CACNA1E: variants seen among roughly 807,000 people sequenced by gnomAD.
CACNA1E encodes voltage-dependent R-type calcium channel subunit alpha-1E.
CACNA1E carries 40 observed loss-of-function variants against 259.2 expected under a neutral mutation model. That is an observed-to-expected ratio of 0.15 (90% CI 0.12 to 0.20). The LOEUF (loss-of-function observed/expected upper bound fraction) is 0.20, where lower values mean the gene tolerates loss of function less well. CACNA1E is among the 10% of genes least tolerant of loss of function. The probability of loss-of-function intolerance (pLI) is 1.00; values close to 1 mark genes in which losing one functional copy is unlikely to be tolerated. For synonymous variants in CACNA1E, 1,104 were observed against 1,138.5 expected, an observed-to-expected ratio of 0.97 and a Z score of 0.61; for missense variants, 1,874 against 3,040.1, an observed-to-expected ratio of 0.62 and a Z score of 9.02.
intron 2 of CACNA1E, among the ~76,000 whole-genome samples, chr1:181,478,007 A>AT (rs1243361358): frequency 6.6e-6 from 1 of 152,204 alleles, no homozygotes; most frequent in Non-Finnish European, 1.5e-5. Flanking sequence ...GGAAAATATT[A>AT]TTTTGACATG....
intron 6 of CACNA1E, among the ~76,000 whole-genome samples, chr1:181,588,183 A>C (rs1652279458): frequency 6.6e-6 from 1 of 152,138 alleles, no homozygotes; most frequent in South Asian, 2.1e-4. Flanking sequence ...CAGAATGTGA[A>C]CTTGGGGAAC....
At chr1:181,572,988 G>C (rs937260503) in intron 3 of CACNA1E, among the ~76,000 whole-genome samples, 3 of 152,174 alleles carry the variant, frequency 2.0e-5, no homozygotes, top group African/African-American at 7.2e-5. Context: ...CTAAGGAACA[G>C]TGGACCCTCC....
At chr1:181,494,380 T>C (rs1400256675) in intron 1 of CACNA1E, among the ~76,000 whole-genome samples, 2 of 152,110 alleles carry the variant, frequency 1.3e-5, no homozygotes, top group East Asian at 3.9e-4. Flanking sequence ...CTAAAATCTC[T>C]GAATCTTTTT....
chr1:181,478,648 G>A (rs955698378), upstream of CACNA1E, among the ~76,000 whole-genome samples: 2 of 152,256 alleles, frequency 1.3e-5, no homozygotes, highest in Admixed American at 6.5e-5. Flanking sequence ...GCAGGGTGGG[G>A]GAAGATGAAG....
At chr1:181,705,814 A>C (rs1002031997) in intron 7 of CACNA1E, among the ~76,000 whole-genome samples, 1 of 152,192 alleles carries the variant, frequency 6.6e-6, no homozygotes, top group Non-Finnish European at 1.5e-5. Context: ...CCTAGGGTTT[A>C]TGTGGGTCCT....
At chr1:181,466,602 T>C (rs1571935658) in intron 2 of CACNA1E, among the ~76,000 whole-genome samples, 1 of 151,518 alleles carries the variant, frequency 6.6e-6, no homozygotes, top group Non-Finnish European at 1.5e-5. Flanking sequence ...ACAAAACACA[T>C]AAAAAACCCA....
At chr1:181,654,914 G>A (rs1439514523) in intron 7 of CACNA1E, among the ~76,000 whole-genome samples, 1 of 150,772 alleles carries the variant, frequency 6.6e-6, no homozygotes, top group East Asian at 1.9e-4. Flanking sequence ...AACCCCAGGG[G>A]GCGGAGCCTG....
intron 18 of CACNA1E, among the ~76,000 whole-genome samples, chr1:181,726,498 T>G (rs1654918970): frequency 6.6e-6 from 1 of 152,018 alleles, no homozygotes. Flanking sequence ...AAGACCTAAG[T>G]GTGTAGATGA....
At chr1:181,382,357 T>C (rs1655515690) in intron 1 of CACNA1E, among the ~76,000 whole-genome samples, 1 of 152,030 alleles carries the variant, frequency 6.6e-6, no homozygotes, top group Non-Finnish European at 1.5e-5. Context: ...CAATAGAAAG[T>C]TATCAATGGG....
At position 181,494,901 on chromosome 1, in the gene CACNA1E, C is replaced by T. The variant is rs542365757; in HGVS notation, c.266+10891C>T. Among the ~76,000 whole-genome samples the T allele has an allele frequency of 5.9e-5, 9 of 152,304 alleles. No homozygotes were observed. The South Asian group carries it at 6.2e-4, about 11-fold the overall frequency. The stretch of plus-strand genomic sequence containing the variant: ...TATCATCAGTGTATTAGTCAGTGTG[C>T]GTTGACCGTTCAGCTTTTCTCAAGT... On this transcript the variant is annotated intron_variant, in intron 1 of 47. Transcript: ENST00000367573.
intron 35 of CACNA1E, among the ~76,000 whole-genome samples, chr1:181,766,928 T>C (rs1411324814): frequency 1.3e-5 from 2 of 152,200 alleles, no homozygotes; most frequent in Admixed American, 1.3e-4. Flanking sequence ...CCATTGTTCT[T>C]AGCCAGAAAG....
intron 2 of CACNA1E, among the ~76,000 whole-genome samples, chr1:181,473,250 A>C (rs1030812557): frequency 6.6e-6 from 1 of 152,168 alleles, no homozygotes; most frequent in Non-Finnish European, 1.5e-5. Flanking sequence ...TAGCTAACTG[A>C]GGCTGGCCTA....
chr1:181,750,433 T>A, intron 25 of CACNA1E, 43 bp from the exon 26 acceptor site: 1 of 1,605,800 alleles, frequency 6.2e-7, no homozygotes, highest in Non-Finnish European at 8.5e-7. Context: ...TTTGTTTTGT[T>A]TTATTTTGAT....
chr1:181,497,736 C>T (rs1664888212), intron 1 of CACNA1E, among the ~76,000 whole-genome samples: 1 of 152,218 alleles, frequency 6.6e-6, no homozygotes. Flanking sequence ...CCAGCAGGTA[C>T]TCTTCCCTAA....
intron 6 of CACNA1E, among the ~76,000 whole-genome samples, chr1:181,618,936 A>C (rs1315534836): frequency 1.3e-5 from 2 of 152,242 alleles, no homozygotes; most frequent in African/African-American, 4.8e-5. Context: ...TCAGTTTTTA[A>C]ATTCATAGAT....
intron 2 of CACNA1E, among the ~76,000 whole-genome samples, chr1:181,414,180 A>T (rs1025150847): frequency 6.6e-6 from 1 of 152,020 alleles, no homozygotes; most frequent in Non-Finnish European, 1.5e-5. Flanking sequence ...GGAAGATGGG[A>T]TTTCACTTAA....
At chr1:181,587,177 C>T (rs1411265568) in intron 6 of CACNA1E, among the ~76,000 whole-genome samples, 1 of 152,116 alleles carries the variant, frequency 6.6e-6, no homozygotes, top group African/African-American at 2.4e-5. Context: ...TCTATTTTCT[C>T]AATGAAAGAG....
In CACNA1E at chr1:181,798,392, G is replaced by T. The variant is rs370385055; in HGVS notation, c.6500G>T (p.Arg2167Leu). 6.2e-7 allele frequency: 1 copy of T among 1,613,224 alleles called. No individual in the cohort carries two copies. Among genetic ancestry groups the T allele is most frequent in the South Asian group, 1.1e-5 (1 of 91,068 alleles). ...CTCCCACCCGTCCCGCCAAAGCCCC[G>T]GCCCCTCCTTTCCTACAGCTCCCTG... ...RQLPPVPPKP[R>L]PLLSYSSLIR... The change falls in exon 48 of 48, where the codon CGG (arginine) becomes CTG (leucine). Residue 2167 changes from arginine (R) to leucine (L), a missense_variant. Arg to Leu is a moderately radical substitution (Grantham distance 102). Coordinates refer to ENST00000367573, the MANE Select transcript of CACNA1E (RefSeq NM_001205293.3). The surrounding 1 kb of genome is among the most constrained non-coding windows in gnomAD (Gnocchi z 4.2).
At chr1:181,546,484 C>T (rs1647487272) in intron 3 of CACNA1E, among the ~76,000 whole-genome samples, 1 of 152,176 alleles carries the variant, frequency 6.6e-6, no homozygotes, top group South Asian at 2.1e-4. Context: ...AAAGTCCCTG[C>T]TGGGGCCCTG....
Sources: allele counts gnomAD v4.1 joint callset (sites outside exome capture counted in the v4.1 genomes callset), GRCh38; gene constraint gnomAD v4.1.1; non-coding constraint Gnocchi (gnomAD v3.1); transcripts MANE v1.5; gene names NCBI Gene and HGNC (gene_info 2026-07-23, HGNC 2026-07-21).